MAP3K5: variants seen among roughly 807,000 people sequenced by gnomAD.
MAP3K5 encodes the protein mitogen-activated protein kinase kinase kinase 5.
In MAP3K5, 56 loss-of-function variants were observed where a neutral mutation model predicts 158.7. The observed-to-expected ratio is 0.35, with a 90% CI of 0.28 to 0.44. The LOEUF (loss-of-function observed/expected upper bound fraction) is 0.44, where lower values mean the gene tolerates loss of function less well. Among genes scored for constraint, MAP3K5 ranks in the 20% least tolerant of loss-of-function variants. The probability of loss-of-function intolerance (pLI) is 1.00; values close to 1 mark genes in which losing one functional copy is unlikely to be tolerated. For missense variants in MAP3K5, 1,294 were observed against 1,674.8 expected, an observed-to-expected ratio of 0.77 and a Z score of 3.97; for synonymous variants, 579 against 601.7, an observed-to-expected ratio of 0.96 and a Z score of 0.55.
At chr6:136,639,740 A>G in intron 12 of MAP3K5, 102 bp from the exon 13 acceptor site, 2 of 613,436 alleles carry the variant, frequency 3.3e-6, no homozygotes, top group Non-Finnish European at 5.7e-6. Flanking sequence ...ATTTATATCA[A>G]TGTTGTTTAT....
At chr6:136,594,471 AAG>A (rs1187845132) in intron 21 of MAP3K5, among the ~76,000 whole-genome samples, 2 of 152,326 alleles carry the variant, frequency 1.3e-5, no homozygotes, top group African/African-American at 4.8e-5. Context: ...GCTTGGGAGA[AAG>A]AGTTTCACTG....
chr6:136,605,185 T>C, intron 19 of MAP3K5, 24 bp downstream of exon 19: 2 of 1,606,206 alleles, frequency 1.2e-6, no homozygotes, highest in Non-Finnish European at 1.7e-6. Context: ...TATCCATTTG[T>C]TTTTAAGAGA....
At position 136,625,521 on chromosome 6, in the gene MAP3K5, T is replaced by A. The variant is rs562625906; in HGVS notation, c.2017-2540A>T. On this transcript the variant is annotated intron_variant, in intron 14 of 29. Coordinates refer to ENST00000359015, the MANE Select transcript of MAP3K5 (RefSeq NM_005923.4). ...AAAGAAAGCTGGTTTGTCTCAAGAC[T>A]GAGCTCTGGAGGAGCAAAAATAGGT... Among the ~76,000 whole-genome samples the A allele has an allele frequency of 1.4e-4, 21 of 152,360 alleles. No homozygotes were observed. In the South Asian group the frequency reaches 3.7e-3, roughly 27 times the overall value.
intron 1 of MAP3K5, among the ~76,000 whole-genome samples, chr6:136,743,320 G>A (rs1352297657): frequency 2.0e-5 from 3 of 151,974 alleles, no homozygotes; most frequent in Non-Finnish European, 2.9e-5. Context: ...CATGGTGGCA[G>A]GCACCTGTAG....
chr6:136,557,803 G>T lies in MAP3K5; in HGVS notation c.4080C>A (p.Cys1360Ter). ...AGTCAATGATAGCCTTCCACAGTGT[G>T]CACAGCATCCCTCCCCTGTTTAAAG... Reference protein sequence around the residue: ...KCLRLRGGMLCTLWKAIIDFR... With the variant: ...KCLRLRGGML The change falls in exon 30 of 30, where the codon TGC becomes TGA. Residue 1360 changes from cysteine (C) to a stop codon, truncating the protein, a stop_gained. Transcript: ENST00000359015. LOFTEE classifies it high-confidence loss of function. 1 of 1,610,360 alleles carries T rather than the reference G, an allele frequency of 6.2e-7. No homozygotes were observed. The highest frequency in any genetic ancestry group is 8.5e-7 in the Non-Finnish European group (1 of 1,176,628).
At chr6:136,618,854 G>A (rs1776681532) in intron 15 of MAP3K5, among the ~76,000 whole-genome samples, 1 of 152,178 alleles carries the variant, frequency 6.6e-6, no homozygotes, top group African/African-American at 2.4e-5. Flanking sequence ...AACTACACAT[G>A]CGGCAGGCAG....
chr6:136,722,744 T>C (rs974658471), intron 1 of MAP3K5, among the ~76,000 whole-genome samples: 3 of 137,670 alleles, frequency 2.2e-5, no homozygotes, highest in Non-Finnish European at 3.1e-5. Context: ...AGTGACAAAA[T>C]CATAGCTCAC....
intron 9 of MAP3K5, among the ~76,000 whole-genome samples, chr6:136,657,731 A>G (rs1354838959): frequency 2.0e-5 from 3 of 152,226 alleles, no homozygotes; most frequent in African/African-American, 7.2e-5. Context: ...CTCTAGGTCA[A>G]GGTCGGCTTT....
intron 10 of MAP3K5, among the ~76,000 whole-genome samples, chr6:136,651,698 C>T (rs1441116338): frequency 6.6e-6 from 1 of 152,084 alleles, no homozygotes; most frequent in Non-Finnish European, 1.5e-5. Flanking sequence ...AATAATGATA[C>T]ATTTAGCCTT....
At chr6:136,757,593 T>A (rs539055701) in intron 1 of MAP3K5, among the ~76,000 whole-genome samples, 1,987 of 147,664 alleles carry the variant, frequency 0.013, 39 homozygotes, top group African/African-American at 0.027. Flanking sequence ...TTTATTTTTT[T>A]TTTTTTTTTT....
At chr6:136,722,638 T>C (rs1166358491) in intron 1 of MAP3K5, among the ~76,000 whole-genome samples, 1 of 151,326 alleles carries the variant, frequency 6.6e-6, no homozygotes, top group Non-Finnish European at 1.5e-5. Flanking sequence ...TCTTTTATGC[T>C]GTGGGAAGTG....
intron 7 of MAP3K5, 152 bp from the exon 8 acceptor site, chr6:136,669,547 G>A (rs1307881026): frequency 2.4e-5 from 14 of 577,742 alleles, no homozygotes; most frequent in East Asian, 5.9e-5. Context: ...AGGACTTAAC[G>A]CTTCAGAAAC....
rs1371633637 is a variant in MAP3K5, at chr6:136,791,738, G to C, written c.420C>G (p.Thr140=). ...LHFGKLDFGE[T]TVLDRFYNAD... ...CATTGTAAAAGCGGTCCAGCACGGT[G>C]GTTTCTCCAAAGTCGAGTTTCCCAA... The change falls in exon 1 of 30, where the codon ACC becomes ACG. Residue 140 remains threonine (T), a synonymous_variant. Coordinates refer to ENST00000359015, the MANE Select transcript of MAP3K5 (RefSeq NM_005923.4). 6.2e-7 allele frequency: 1 copy of C among 1,613,358 alleles called. No individual in the cohort carries two copies. Among genetic ancestry groups the C allele is most frequent in the Admixed American group, 1.7e-5 (1 of 60,038 alleles).
intron 2 of MAP3K5, among the ~76,000 whole-genome samples, chr6:136,706,460 G>C (rs1311058413): frequency 2.6e-5 from 4 of 152,284 alleles, no homozygotes; most frequent in Admixed American, 6.5e-5. Flanking sequence ...ATCTAGAAAA[G>C]CCTGTTGTAT....
chr6:136,605,511 T>C, intron 18 of MAP3K5, 145 bp from the exon 19 acceptor site: 1 of 661,682 alleles, frequency 1.5e-6, no homozygotes, highest in South Asian at 2.1e-5. Context: ...GAGTTCCAGT[T>C]TTCTCTGCTA....
Position 136,650,989 on chromosome 6 carries a change from C to T in MAP3K5, c.1783G>A (p.Asp595Asn). The T allele has an allele frequency of 6.2e-7, 1 of 1,603,586 alleles. No homozygotes were observed. Among genetic ancestry groups the T allele is most frequent in the Non-Finnish European group, 8.5e-7 (1 of 1,171,560 alleles). ...TISIWHVLPD[D>N]KKGIHEWNFS... Reference sequence around the variant, plus strand: ...TTAATAACTGCACAATTTACCTTGTCATCAGGAAGCACGTGCCAAATAGAG... The same window carrying T: ...TTAATAACTGCACAATTTACCTTGTTATCAGGAAGCACGTGCCAAATAGAG... The change falls in exon 11 of 30, where the codon GAC becomes AAC. Residue 595 changes from aspartate (D) to asparagine (N), a missense_variant. Asp to Asn is a conservative substitution (Grantham distance 23). Around this residue, in one of 5 missense-constraint regions of MAP3K5, gnomAD observed 690 missense variants for 870.5 expected, o/e 0.79. Transcript: ENST00000359015.
At chr6:136,628,889 G>A (rs917539835) in intron 14 of MAP3K5, among the ~76,000 whole-genome samples, 1 of 152,146 alleles carries the variant, frequency 6.6e-6, no homozygotes, top group African/African-American at 2.4e-5. Flanking sequence ...AAAGAAACAA[G>A]AGACTGGTTC....
intron 12 of MAP3K5, among the ~76,000 whole-genome samples, chr6:136,640,214 G>A (rs1011457038): frequency 9.8e-5 from 15 of 152,302 alleles, no homozygotes; most frequent in Admixed American, 7.9e-4. Context: ...CCAGGGATTG[G>A]CAACCATTTT....
chr6:136,567,983 C>T (rs1048104041), intron 25 of MAP3K5, 109 bp from the exon 26 acceptor site: 44 of 1,217,028 alleles, frequency 3.6e-5, no homozygotes, highest in African/African-American at 1.1e-4. Context: ...GATATATATT[C>T]CAAACTGCTT....
Sources: gnomAD v4.1 joint callset for allele counts (sites outside exome capture counted in the v4.1 genomes callset) on GRCh38, gnomAD v4.1.1 for gene constraint, gnomAD v4.1.1 regional missense constraint, MANE v1.5 for transcripts, NCBI Gene and HGNC (gene_info 2026-07-23, HGNC 2026-07-21) for gene names.